The following CMTM6 variants were observed in gnomAD, a reference collection of about 807,000 sequenced individuals.
CMTM6 encodes the protein CKLF-like MARVEL transmembrane domain-containing protein 6.
A neutral mutation model predicts 13.6 loss-of-function variants in CMTM6; 5 were observed. The ratio of observed to expected loss-of-function variants is 0.37; its 90% CI spans 0.19 to 0.77. CMTM6 has a LOEUF of 0.77. Among genes scored for constraint, CMTM6 ranks in the 30% least tolerant of loss-of-function variants. The pLI is 0.50. For synonymous variants in CMTM6, 99 were observed against 84.5 expected, an observed-to-expected ratio of 1.17 and a Z score of -0.94; for missense variants, 196 against 218.6, an observed-to-expected ratio of 0.90 and a Z score of 0.65.
chr3:32,501,908 C>T (rs1247926228), intron 1 of CMTM6, among the ~76,000 whole-genome samples: 2 of 152,166 alleles, frequency 1.3e-5, no homozygotes, highest in Non-Finnish European at 2.9e-5. Flanking sequence ...TTGATGTTTT[C>T]ACGAACAGGT....
intron 2 of CMTM6, among the ~76,000 whole-genome samples, chr3:32,491,236 T>C (rs1201251814): frequency 6.6e-6 from 1 of 152,140 alleles, no homozygotes; most frequent in East Asian, 1.9e-4. Flanking sequence ...GAATTACATG[T>C]TGTTTTATTT....
rs57136978 is a variant in CMTM6 at position 32,489,659 on chromosome 3, G to GA, written c.316-1624dup. 7.8e-3 allele frequency among the ~76,000 whole-genome samples: 923 copies of GA among 117,908 alleles called. 7 individuals are homozygous for GA. Among genetic ancestry groups the GA allele is most frequent in the African/African-American group, 0.021 (687 of 32,720 alleles). 77.4% of individuals were successfully genotyped at this position (117,908 alleles called of 152,430 possible). A position where few individuals can be genotyped will look rare whatever the true frequency, so the allele number is the denominator to read the frequency against. Reference sequence around the variant, plus strand: ...AAGAACGAAACTCTGTCTCAAAAAAGAAAAAAAAAAAAAGAGGTTTTCTCT... The same window carrying GA: ...AAGAACGAAACTCTGTCTCAAAAAAGAAAAAAAAAAAAAAGAGGTTTTCTCT... On this transcript the variant is annotated intron_variant, in intron 2 of 3. Transcript: ENST00000205636.
chr3:32,502,474 G>C, intron 1 of CMTM6, 134 bp downstream of exon 1: 1 of 1,143,384 alleles, frequency 8.7e-7, no homozygotes, highest in Non-Finnish European at 1.2e-6. Context: ...CAGGCTGAGA[G>C]GGAAGGAACT....
Position 32,502,801 on chromosome 3 carries a change from C to T in CMTM6, c.-56G>A. The T allele has an allele frequency of 1.5e-6, 2 of 1,372,918 alleles. No homozygotes were observed. The highest frequency in any genetic ancestry group is 1.6e-5 in the South Asian group (1 of 62,040). 85.0% of individuals were successfully genotyped at this position (1,372,918 alleles called of 1,614,324 possible). Reference sequence around the variant, plus strand: ...GCAACCGCGCCGTTGACTTCTCGGACTCCAGAAGTCCCCGGTAGCCGGGAG... The same window carrying T: ...GCAACCGCGCCGTTGACTTCTCGGATTCCAGAAGTCCCCGGTAGCCGGGAG... On this transcript the variant is annotated 5_prime_UTR_variant, in exon 1 of 4. Transcript: ENST00000205636.
chr3:32,497,845 G>A (rs1020268868), intron 1 of CMTM6, among the ~76,000 whole-genome samples: 2 of 139,598 alleles, frequency 1.4e-5, no homozygotes, highest in South Asian at 2.3e-4. Context: ...GTGACAGAGC[G>A]AGGCTTCGTC....
chr3:32,502,809 GT>G lies in CMTM6; in HGVS notation c.-65del. ...GCCGTTGACTTCTCGGACTCCAGAA[GT>G]CCCCGGTAGCCGGGAGGCGGCCGTC... On this transcript the variant is annotated 5_prime_UTR_variant, in exon 1 of 4. Transcript: ENST00000205636. The G allele has an allele frequency of 7.3e-7, 1 of 1,363,388 alleles. No individual in the cohort carries two copies. Among genetic ancestry groups the G allele is most frequent in the Non-Finnish European group, 9.4e-7 (1 of 1,058,530 alleles). 84.5% of individuals were successfully genotyped at this position (1,363,388 alleles called of 1,614,324 possible).
At chr3:32,501,115 G>T (rs1000047242) in intron 1 of CMTM6, among the ~76,000 whole-genome samples, 1 of 151,154 alleles carries the variant, frequency 6.6e-6, no homozygotes, top group African/African-American at 2.4e-5. Context: ...GCCTGAACCC[G>T]GGAGGCGGAG....
Position 32,502,789 on chromosome 3 carries a change from T to G in CMTM6, c.-44A>C, listed in dbSNP as rs535956550. The G allele has an allele frequency of 7.2e-7, 1 of 1,395,040 alleles. No individual in the cohort carries two copies. The highest frequency in any genetic ancestry group is 9.3e-7 in the Non-Finnish European group (1 of 1,074,758). The allele number at this position is 1,395,040 out of a possible 1,614,324, so 86.4% of individuals were successfully genotyped here. On this transcript the variant is annotated 5_prime_UTR_variant, in exon 1 of 4. Coordinates refer to ENST00000205636, the MANE Select transcript of CMTM6 (RefSeq NM_017801.3). Reference sequence around the variant, plus strand: ...GCGGCGGCCGCAGCAACCGCGCCGTTGACTTCTCGGACTCCAGAAGTCCCC... The same window carrying G: ...GCGGCGGCCGCAGCAACCGCGCCGTGGACTTCTCGGACTCCAGAAGTCCCC...
chr3:32,482,838 A>G lies in CMTM6; in HGVS notation c.*1122T>C, dbSNP rs1697167390. 1 of 151,522 alleles carries G rather than the reference A, an allele frequency of 6.6e-6. No homozygotes were observed. Among genetic ancestry groups the G allele is most frequent in the South Asian group, 2.1e-4 (1 of 4,806 alleles). The allele number at this position is 151,522 out of a possible 1,614,324, so 9.4% of individuals were successfully genotyped here. ...AAGGGCCCAAGATTCAGGACCACCT[A>G]AAGACAACTGACAAAAAGTGTCAGA... On this transcript the variant is annotated 3_prime_UTR_variant, in exon 4 of 4. Transcript: ENST00000205636.
chr3:32,491,235 GTTGTT>G (rs573921237), intron 2 of CMTM6, among the ~76,000 whole-genome samples: 42 of 152,296 alleles, frequency 2.8e-4, no homozygotes, highest in African/African-American at 9.6e-4. Flanking sequence ...AGAATTACAT[GTTGTT>G]TTATTTTCCC....
intron 1 of CMTM6, 26 bp from the exon 2 acceptor site, chr3:32,491,912 TTAAG>T (rs1308838409): frequency 1.9e-6 from 3 of 1,565,414 alleles, no homozygotes. Context: ...AACATTTTAC[TTAAG>T]TGTTTTTTCA....
At position 32,483,334 on chromosome 3, in the gene CMTM6, T is replaced by C. The variant is rs1697172636; in HGVS notation, c.*626A>G. On this transcript the variant is annotated 3_prime_UTR_variant, in exon 4 of 4. Coordinates refer to ENST00000205636, the MANE Select transcript of CMTM6 (RefSeq NM_017801.3). Reference sequence around the variant, plus strand: ...ACACATAAAATACCAACATCTCCCATACATTTTATAGGCTATACGAAGGTC... The same window carrying C: ...ACACATAAAATACCAACATCTCCCACACATTTTATAGGCTATACGAAGGTC... The C allele has an allele frequency of 6.6e-6, 1 of 152,628 alleles. No individual in the cohort carries two copies. The highest frequency in any genetic ancestry group is 2.4e-5 in the African/African-American group (1 of 41,450). The allele number at this position is 152,628 out of a possible 1,614,324, so 9.5% of individuals were successfully genotyped here.
chr3:32,494,154 G>T (rs759940216), intron 1 of CMTM6, among the ~76,000 whole-genome samples: 1 of 152,202 alleles, frequency 6.6e-6, no homozygotes, highest in Non-Finnish European at 1.5e-5. Context: ...CTCAGGTTTG[G>T]GGCTAACTCT....
intron 1 of CMTM6, among the ~76,000 whole-genome samples, chr3:32,497,001 G>C (rs1697298576): frequency 1.3e-5 from 2 of 152,028 alleles, no homozygotes; most frequent in African/African-American, 2.4e-5. Flanking sequence ...GATTGGGTGG[G>C]GCCTAAAGGA....
At chr3:32,486,092 G>A (rs887923985) in intron 3 of CMTM6, among the ~76,000 whole-genome samples, 1 of 152,162 alleles carries the variant, frequency 6.6e-6, no homozygotes, top group African/African-American at 2.4e-5. Context: ...TGGCCAAGCT[G>A]GTCTCAAACT....
At chr3:32,492,535 A>G (rs780255560) in intron 1 of CMTM6, among the ~76,000 whole-genome samples, 8 of 152,176 alleles carry the variant, frequency 5.3e-5, no homozygotes, top group Non-Finnish European at 1.0e-4. Flanking sequence ...TGCTTTCAGT[A>G]GTTCTCACTG....
At chr3:32,487,288 G>A (rs1697213088) in intron 3 of CMTM6, among the ~76,000 whole-genome samples, 1 of 152,092 alleles carries the variant, frequency 6.6e-6, no homozygotes, top group Non-Finnish European at 1.5e-5. Flanking sequence ...TGAAAAGTCT[G>A]ATGAAACTTT....
At position 32,502,735 on chromosome 3, in the gene CMTM6, C is replaced by T. The variant is rs1351737364; in HGVS notation, c.11G>A (p.Gly4Glu). The change falls in exon 1 of 4, where the codon GGA becomes GAA. Residue 4 changes from glycine (G) to glutamate (E), a missense_variant. Gly to Glu is a moderately conservative substitution (Grantham distance 98). Around this residue, in one of 2 missense-constraint regions of CMTM6, gnomAD observed 85 missense variants for 58.7 expected, o/e 1.45. Transcript: ENST00000205636. MEN[G>E]AVYSPTTEED... is the part of the protein sequence containing the mutation. ...CTCCGTAGTGGGGCTGTACACCGCT[C>T]CGTTCTCCATCGCCTCGGGCCGGGG... The T allele has an allele frequency of 6.7e-7, 1 of 1,498,994 alleles. No individual in the cohort carries two copies. Among genetic ancestry groups the T allele is most frequent in the Non-Finnish European group, 8.9e-7 (1 of 1,126,122 alleles). 92.9% of individuals were successfully genotyped at this position (1,498,994 alleles called of 1,614,324 possible).
At chr3:32,490,483 G>A (rs1697241791) in intron 2 of CMTM6, among the ~76,000 whole-genome samples, 1 of 151,896 alleles carries the variant, frequency 6.6e-6, no homozygotes, top group Admixed American at 6.6e-5. Context: ...AACTATGAAT[G>A]GAATAAAAAG....
Sources: allele counts gnomAD v4.1 joint callset (sites outside exome capture counted in the v4.1 genomes callset), GRCh38; gene constraint gnomAD v4.1.1; regional missense constraint gnomAD v4.1.1; transcripts MANE v1.5; gene names NCBI Gene and HGNC (gene_info 2026-07-23, HGNC 2026-07-21).